Variants in KIAA1671 observed in about 807,000 individuals in gnomAD.
KIAA1671 encodes the protein uncharacterized protein KIAA1671.
In KIAA1671, 52 loss-of-function variants were observed where a neutral mutation model predicts 131.2. That is an observed-to-expected ratio of 0.40 (90% confidence interval 0.32 to 0.50). The LOEUF is 0.50. Among genes scored for constraint, KIAA1671 ranks in the 20% least tolerant of loss-of-function variants. The pLI is 0.73. For synonymous variants in KIAA1671, 1,003 were observed against 961.6 expected (o/e 1.04, Z -0.80); for missense variants, 2,360 against 2,364.2 (o/e 1.00, Z 0.04).
chr22:24,971,662 G>T (rs1041904741), intron 1 of KIAA1671, among the ~76,000 whole-genome samples: 3 of 152,120 alleles, frequency 2.0e-5, no homozygotes, highest in Non-Finnish European at 4.4e-5. Context: ...TCAAATTTGG[G>T]GGTGATCCAT....
At chr22:25,171,878 A>C (rs1392029408) in intron 7 of KIAA1671, among the ~76,000 whole-genome samples, 1 of 152,106 alleles carries the variant, frequency 6.6e-6, no homozygotes, top group African/African-American at 2.4e-5. Flanking sequence ...AATTTCTAGG[A>C]TGACAGTGAT....
intron 3 of KIAA1671, among the ~76,000 whole-genome samples, chr22:25,030,070 G>C (rs1377338036): frequency 1.3e-5 from 2 of 152,200 alleles, no homozygotes; most frequent in Non-Finnish European, 2.9e-5. Context: ...TTCTAAGTCA[G>C]TTCGTTAATA....
At chr22:25,097,144 G>A (rs562564507) in intron 6 of KIAA1671, among the ~76,000 whole-genome samples, 27 of 152,262 alleles carry the variant, frequency 1.8e-4, no homozygotes, top group African/African-American at 6.0e-4. Flanking sequence ...CAAGTGAGAC[G>A]GCCTTATCAT....
intron 6 of KIAA1671, among the ~76,000 whole-genome samples, chr22:25,169,083 AT>A (rs1933750707): frequency 6.6e-6 from 1 of 152,084 alleles, no homozygotes; most frequent in Non-Finnish European, 1.5e-5. Context: ...GGCCAGTCTT[AT>A]GCCCTAACCC....
intron 1 of KIAA1671, among the ~76,000 whole-genome samples, chr22:24,957,906 G>A (rs1921800875): frequency 6.7e-6 from 1 of 149,048 alleles, no homozygotes; most frequent in African/African-American, 2.5e-5. Flanking sequence ...TCGAACTCTC[G>A]ACCTCATGTG....
intron 6 of KIAA1671, among the ~76,000 whole-genome samples, chr22:25,137,574 C>T (rs1932732241): frequency 6.6e-6 from 1 of 152,230 alleles, no homozygotes; most frequent in African/African-American, 2.4e-5. Context: ...TAAAGAGGCA[C>T]TTTTGTATAC....
intron 1 of KIAA1671, among the ~76,000 whole-genome samples, chr22:25,006,387 C>T (rs1924754482): frequency 1.3e-5 from 2 of 152,124 alleles, no homozygotes; most frequent in Admixed American, 6.6e-5. Flanking sequence ...ATGGGAAGTA[C>T]AGTACCAGGA....
intron 1 of KIAA1671, among the ~76,000 whole-genome samples, chr22:24,985,832 A>T (rs928287440): frequency 3.3e-5 from 5 of 151,448 alleles, no homozygotes; most frequent in African/African-American, 1.2e-4. Context: ...TCTGTTCTCC[A>T]ACACCAGGAG....
intron 6 of KIAA1671, chr22:25,063,090 C>T (rs906844374): frequency 2.0e-5 from 3 of 151,906 alleles, no homozygotes; most frequent in Non-Finnish European, 2.9e-5. Context: ...AGAGAGGGTT[C>T]TCGGATTTCG....
chr22:25,160,572 C>A (rs1933408487), intron 6 of KIAA1671, among the ~76,000 whole-genome samples: 1 of 152,182 alleles, frequency 6.6e-6, no homozygotes, highest in South Asian at 2.1e-4. Context: ...TTGCACCAAC[C>A]CCAGAGATGA....
At chr22:24,954,148 T>C (rs961126200) in intron 1 of KIAA1671, among the ~76,000 whole-genome samples, 1 of 152,166 alleles carries the variant, frequency 6.6e-6, no homozygotes, top group Non-Finnish European at 1.5e-5. Flanking sequence ...ATTAGAGAGC[T>C]ATTTAGCTTA....
intron 6 of KIAA1671, chr22:25,061,265 A>C (rs1448041224): frequency 6.6e-6 from 1 of 152,158 alleles, no homozygotes; most frequent in Non-Finnish European, 1.5e-5. Flanking sequence ...CTTCTACTTG[A>C]ACTCGAGGTC....
intron 6 of KIAA1671, among the ~76,000 whole-genome samples, chr22:25,067,046 C>T (rs1199768401): frequency 2.6e-5 from 4 of 152,280 alleles, no homozygotes; most frequent in East Asian, 1.9e-4. Context: ...CCTCGGCCCA[C>T]GGGTCAGGGT....
At position 25,072,881 on chromosome 22, in the gene KIAA1671, G is replaced by C. The variant is rs187240072; in HGVS notation, c.4530+23517G>C. 2.6e-5 allele frequency among the ~76,000 whole-genome samples: 4 copies of C among 152,274 alleles called. No individual in the cohort carries two copies. The East Asian group carries it at 7.7e-4, about 29-fold the overall frequency. ...ACCAGGAATAATTGCAGAGAGCCAG[G>C]TGGAGGTGCTCGCTCCCCTGCCACT... is the stretch of plus-strand genomic sequence containing the variant. On this transcript the variant is annotated intron_variant, in intron 6 of 12. Transcript: ENST00000358431.
intron 6 of KIAA1671, chr22:25,057,628 T>G (rs975662920): frequency 6.8e-6 from 1 of 148,044 alleles, no homozygotes; most frequent in Admixed American, 6.8e-5. Context: ...ACATGTCCAG[T>G]GCGCTCTGCT....
At chr22:25,010,645 A>ACC in intron 1 of KIAA1671, 1 of 152,202 alleles carries the variant, frequency 6.6e-6, no homozygotes, top group Non-Finnish European at 1.5e-5. Flanking sequence ...GCTCCGTTAA[A>ACC]GGAACCACAG....
intron 6 of KIAA1671, among the ~76,000 whole-genome samples, chr22:25,116,430 TGTAC>T (rs1177766071): frequency 2.9e-5 from 4 of 140,268 alleles, no homozygotes. Flanking sequence ...TATGTATGTA[TGTAC>T]GTATTGAGAT....
In KIAA1671 at chr22:25,195,533, GTT is replaced by G. The variant is rs1239780729; in HGVS notation, c.*3134_*3135del. The G allele has an allele frequency of 6.6e-6, 1 of 152,118 alleles. No individual in the cohort carries two copies. The highest frequency in any genetic ancestry group is 2.4e-5 in the African/African-American group (1 of 41,418). 9.4% of individuals were successfully genotyped at this position (152,118 alleles called of 1,614,324 possible). ...AAATCATGTGGTTTCAGACAATTGT[GTT>G]TGCCTTTGTGCCTCCCTGGAAGGGA... On this transcript the variant is annotated 3_prime_UTR_variant, in exon 13 of 13. Transcript: ENST00000358431.
Position 25,040,571 on chromosome 22 carries a change from G to A in KIAA1671, c.3441G>A (p.Lys1147=), listed in dbSNP as rs1926860807. 1 of 1,551,774 alleles carries A rather than the reference G, an allele frequency of 6.4e-7. No homozygotes were observed. Among genetic ancestry groups the A allele is most frequent in the Middle Eastern group, 1.7e-4 (1 of 5,994 alleles). ...GCCCTCGTCCTCAAAGCAATTGGAA[G>A]GAAAGTGCGAACAAGATGTCCCCCA... ...EDGPRPQSNW[K]ESANKMSPSG... is the part of the protein sequence containing the mutation. Residue 1147 remains lysine, a synonymous_variant, in exon 5 of 13, where the codon AAG becomes AAA. Coordinates refer to ENST00000358431, the MANE Select transcript of KIAA1671 (RefSeq NM_001145206.2).
Sources: gnomAD v4.1 joint callset for allele counts (sites outside exome capture counted in the v4.1 genomes callset) on GRCh38, gnomAD v4.1.1 for gene constraint, MANE v1.5 for transcripts, NCBI Gene and HGNC (gene_info 2026-07-23, HGNC 2026-07-21) for gene names.